The following DRG2 variants were observed in gnomAD, a reference collection of about 807,000 sequenced individuals.
DRG2 encodes developmentally regulated GTP binding protein 2, also known as developmentally-regulated GTP-binding protein 2.
In DRG2, 36 loss-of-function variants were observed where a neutral mutation model predicts 53.4. That is an observed-to-expected ratio of 0.67 (90% CI 0.52 to 0.89). DRG2 has a LOEUF of 0.89. DRG2 is among the 40% of genes least tolerant of loss of function. DRG2 has a pLI of 0.00. For synonymous variants in DRG2, 167 were observed against 192.1 expected (o/e 0.87, Z 1.08); for missense variants, 342 against 481.2 (o/e 0.71, Z 2.71).
At position 18,103,963 on chromosome 17, in the gene DRG2, GC is replaced by G; in HGVS notation, c.895+77del. 1 of 1,448,268 alleles carries G rather than the reference GC, an allele frequency of 6.9e-7. No homozygotes were observed. Among genetic ancestry groups the G allele is most frequent in the Non-Finnish European group, 9.7e-7 (1 of 1,031,870 alleles). 89.7% of individuals were successfully genotyped at this position (1,448,268 alleles called of 1,614,324 possible). The stretch of plus-strand genomic sequence containing the variant: ...GAAGGCTGCCAGGCCGGTGTGTGGT[GC>G]CCAGAGACCCCAGCACCGGCTCTGG... On this transcript the variant is annotated intron_variant, in intron 10 of 12. Transcript: ENST00000225729. The surrounding 1 kb of genome is among the most constrained non-coding windows in gnomAD (Gnocchi z 4.4).
At chr17:18,104,531 C>T in intron 10 of DRG2, 92 bp from the exon 11 acceptor site, 4 of 1,591,666 alleles carry the variant, frequency 2.5e-6, no homozygotes, top group Non-Finnish European at 3.4e-6. Flanking sequence ...ACCGAAAGGG[C>T]CTCTGTGGCC....
In DRG2 at chr17:18,093,863, GC is replaced by G; in HGVS notation, c.118del (p.Gln40SerfsTer19). The G allele has an allele frequency of 6.2e-7, 1 of 1,614,178 alleles. No individual in the cohort carries two copies. The highest frequency in any genetic ancestry group is 8.5e-7 in the Non-Finnish European group (1 of 1,180,040). ...LLKAKLAKYR[A>X]QLLEPSKSAS... Reference sequence around the variant, plus strand: ...GAAAGCTAAGCTCGCCAAGTATCGGGCCCAGCTCCTGGAACCGTCCAAATCG... The same window carrying G: ...GAAAGCTAAGCTCGCCAAGTATCGGGCCAGCTCCTGGAACCGTCCAAATCG... On this transcript the variant is annotated frameshift_variant, in exon 2 of 13. Coordinates refer to ENST00000225729, the MANE Select transcript of DRG2 (RefSeq NM_001388.5). LOFTEE classifies it high-confidence loss of function.
At position 18,093,930 on chromosome 17, in the gene DRG2, G is replaced by A. The variant is rs2045382301; in HGVS notation, c.182G>A (p.Gly61Asp). Residue 61 changes from glycine to aspartate, a missense_variant, in exon 2 of 13, where the codon GGT becomes GAT. Gly to Asp is a moderately conservative substitution (Grantham distance 94, BLOSUM62 -1). Transcript: ENST00000225729. The part of the protein sequence containing the change: ...KGEGFDVMKS[G>D]DARVALIGFP... ...GAGGGCTTTGATGTCATGAAGTCGG[G>A]TGATGCCCGTGTGGCGCTGATTGGA... The A allele has an allele frequency of 6.2e-7, 1 of 1,614,248 alleles. No homozygotes were observed. The highest frequency in any genetic ancestry group is 2.2e-5 in the East Asian group (1 of 44,886).
rs1272579834 is a variant in DRG2, at chr17:18,090,388, A to T, written c.64+2301A>T. Among the ~76,000 whole-genome samples, 13 of 10,412 alleles carry T rather than the reference A, an allele frequency of 1.2e-3. 4 individuals are homozygous for T. The highest frequency in any genetic ancestry group is 1.4e-3 in the Admixed American group (1 of 714). 6.8% of individuals were successfully genotyped at this position (10,412 alleles called of 152,430 possible). A position where few individuals can be genotyped will look rare whatever the true frequency, so the allele number is the denominator to read the frequency against. ...CTAATTTATATATATATATATATATATATATATATATATATATATTTTTTT... is the reference window on the plus strand; with the variant it reads ...CTAATTTATATATATATATATATATTTATATATATATATATATATTTTTTT... On this transcript the variant is annotated intron_variant, in intron 1 of 12. Transcript: ENST00000225729.
intron 2 of DRG2, 190 bp downstream of exon 2, chr17:18,094,163 A>T (rs1046355286): frequency 2.9e-6 from 2 of 684,842 alleles, no homozygotes; most frequent in African/African-American, 1.8e-5. Context: ...TTGCCAGCAG[A>T]TGGAGCCCTA....
chr17:18,102,620 CAAAAAA>C lies in DRG2; in HGVS notation c.806+639_806+644del, dbSNP rs60412520. On this transcript the variant is annotated intron_variant, in intron 9 of 12. Transcript: ENST00000225729. ...TGGGCGACAGAGCAAGACTCCATCTCAAAAAAAAAAAAAAAAAAAAAGAGGCTTCTT... is the reference window on the plus strand; with the variant it reads ...TGGGCGACAGAGCAAGACTCCATCTCAAAAAAAAAAAAAAAGAGGCTTCTT... Among the ~76,000 whole-genome samples the C allele has an allele frequency of 3.5e-3, 275 of 77,966 alleles. 2 individuals are homozygous for C. Among genetic ancestry groups the C allele is most frequent in the Admixed American group, 6.7e-3 (52 of 7,778 alleles). 51.1% of individuals were successfully genotyped at this position (77,966 alleles called of 152,430 possible).
At chr17:18,092,288 A>C (rs888368245) in intron 1 of DRG2, among the ~76,000 whole-genome samples, 13 of 152,210 alleles carry the variant, frequency 8.5e-5, no homozygotes, top group Non-Finnish European at 2.9e-5. Flanking sequence ...ACATAGCAAC[A>C]TCTCATCTCT....
chr17:18,088,122 C>T, intron 1 of DRG2, 35 bp downstream of exon 1: 2 of 1,533,518 alleles, frequency 1.3e-6, no homozygotes, highest in Non-Finnish European at 1.8e-6. Flanking sequence ...TCCTTTCTGC[C>T]TGCCTCAGTT....
At position 18,098,029 on chromosome 17, in the gene DRG2, C is replaced by T. The variant is rs1428560296; in HGVS notation, c.226-241C>T. The T allele has an allele frequency of 5.5e-6, 2 of 362,900 alleles. No individual in the cohort carries two copies. Among genetic ancestry groups the T allele is most frequent in the African/African-American group, 4.1e-5 (2 of 48,396 alleles). 22.5% of individuals were successfully genotyped at this position (362,900 alleles called of 1,614,324 possible). On this transcript the variant is annotated intron_variant, in intron 2 of 12. Transcript: ENST00000225729. This position sits in a 1 kb window ranked among gnomAD's most constrained non-coding sequence, Gnocchi z 4.1. ...CCCATCAGAATCCAGATCCCTGCCT[C>T]TACCTGAGACAGTCCTGAGGCCTCC...
Position 18,106,449 on chromosome 17 carries a change from G to A in DRG2, c.971G>A (p.Arg324Gln), listed in dbSNP as rs1000706461. The A allele has an allele frequency of 5.0e-6, 8 of 1,614,008 alleles. No individual in the cohort carries two copies. The highest frequency in any genetic ancestry group is 4.2e-6 in the Non-Finnish European group (5 of 1,179,946). Residue 324 changes from arginine to glutamine, a missense_variant, in exon 12 of 13, where the codon CGG (arginine) becomes CAG (glutamine). Arg to Gln is a conservative substitution (Grantham distance 43). Transcript: ENST00000225729. ...GTCCTCCAGTGCCACCGCATCCACC[G>A]GTCACTCGCCAGCCAGTTCAAGTAC... Reference protein sequence around the residue: ...SVEHVCHRIHRSLASQFKYAL... With the variant: ...SVEHVCHRIHQSLASQFKYAL...
At chr17:18,101,401 C>A in intron 7 of DRG2, 92 bp from the exon 8 acceptor site, 1 of 1,197,114 alleles carries the variant, frequency 8.4e-7, no homozygotes, top group Non-Finnish European at 1.2e-6. Context: ...CCCACACGGC[C>A]AGCATATTTC....
chr17:18,102,620 C>CA (rs60412520), intron 9 of DRG2, among the ~76,000 whole-genome samples: 107 of 77,964 alleles, frequency 1.4e-3, no homozygotes, highest in African/African-American at 4.6e-3. Context: ...GACTCCATCT[C>CA]AAAAAAAAAA....
chr17:18,106,501 G>A lies in DRG2; in HGVS notation c.1008+15G>A. 3 of 1,613,872 alleles carry A rather than the reference G, an allele frequency of 1.9e-6. No homozygotes were observed. The highest frequency in any genetic ancestry group is 2.2e-5 in the South Asian group (2 of 91,078). ...CCCTGGTGTGGGTGAGTCTCTGGGT[G>A]GAAAGCAACCAGGGGGGTAGACCCA... is the stretch of plus-strand genomic sequence containing the variant. On this transcript the variant is annotated intron_variant, in intron 12 of 12. Coordinates refer to ENST00000225729, the MANE Select transcript of DRG2 (RefSeq NM_001388.5).
chr17:18,095,387 CTTTTTTTTTTTTTTTTTT>C (rs1175868477), intron 2 of DRG2: 1 of 89,828 alleles, frequency 1.1e-5, no homozygotes, highest in Non-Finnish European at 2.1e-5. Flanking sequence ...CTGATCGGCT[CTTTTTTTTTTTTTTTTTT>C]TTTTTGGAGG....
chr17:18,094,225 T>C, intron 2 of DRG2: 1 of 460,984 alleles, frequency 2.2e-6, no homozygotes, highest in Non-Finnish European at 3.9e-6. Flanking sequence ...AGTGTGTATC[T>C]CTAGCGGTGT....
At chr17:18,090,571 T>C (rs569509884) in intron 1 of DRG2, among the ~76,000 whole-genome samples, 4 of 151,466 alleles carry the variant, frequency 2.6e-5, no homozygotes, top group African/African-American at 9.7e-5. Context: ...CAGCTAATTT[T>C]GTGTCTTTAG....
intron 1 of DRG2, 71 bp downstream of exon 1, chr17:18,088,158 A>G (rs2045248929): frequency 6.7e-7 from 1 of 1,485,656 alleles, no homozygotes; most frequent in African/African-American, 1.4e-5. Context: ...TGGGGGAACA[A>G]CTCCAGCAGT....
chr17:18,094,974 CAAAAAAAAAAAAAAAAAA>C (rs1165321853), intron 2 of DRG2, among the ~76,000 whole-genome samples: 4 of 25,306 alleles, frequency 1.6e-4, no homozygotes, highest in South Asian at 4.1e-3. Context: ...AACTCCATCT[CAAAAAAAAAAAAAAAAAA>C]AAAAAAAAAA....
At chr17:18,102,274 G>A (rs2142201706) in intron 9 of DRG2, among the ~76,000 whole-genome samples, 1 of 152,344 alleles carries the variant, frequency 6.6e-6, no homozygotes, top group Non-Finnish European at 1.5e-5. Context: ...CGTCTTGTGG[G>A]CTCTGGTTAA....
Sources: gnomAD v4.1 joint callset for allele counts (sites outside exome capture counted in the v4.1 genomes callset) on GRCh38, gnomAD v4.1.1 for gene constraint, Gnocchi (gnomAD v3.1) non-coding constraint, MANE v1.5 for transcripts, NCBI Gene and HGNC (gene_info 2026-07-23, HGNC 2026-07-21) for gene names.